Variants in CLCN5 observed in about 807,000 individuals in gnomAD.
CLCN5 encodes the protein H(+)/Cl(-) exchange transporter 5.
In CLCN5, 17 loss-of-function variants were observed where a neutral mutation model predicts 54.0. That is an observed-to-expected ratio of 0.31 (90% CI 0.22 to 0.47). The LOEUF is 0.47. Ranked by LOEUF, CLCN5 falls within the 20% of genes least tolerant of loss-of-function variation. CLCN5 has a pLI of 1.00. For missense variants in CLCN5, 448 were observed against 646.7 expected (o/e 0.69, Z 3.33); for synonymous variants, 222 against 233.0 (o/e 0.95, Z 0.43).
At position 50,067,582 on chromosome X, in the gene CLCN5, A is replaced by G. The variant is rs150494273; in HGVS notation, c.164-2297A>G. The G allele has an allele frequency of 3.3e-5, 25 of 751,829 alleles. No individual in the cohort carries two copies. The East Asian group carries it at 3.5e-3, about 105-fold the overall frequency. 62.0% of individuals were successfully genotyped at this position (751,829 alleles called of 1,213,427 possible). Reference sequence around the variant, plus strand: ...CATCACATTCTGACCGCCAGGGAACACTGGTAGTTCTTTAGGTGGCGTTTG... The same window carrying G: ...CATCACATTCTGACCGCCAGGGAACGCTGGTAGTTCTTTAGGTGGCGTTTG... On this transcript the variant is annotated intron_variant, in intron 4 of 14. Coordinates refer to ENST00000376091, the MANE Select transcript of CLCN5 (RefSeq NM_001127898.4).
intron 3 of CLCN5, among the ~76,000 whole-genome samples, chrX:49,996,913 T>C (rs17174053): frequency 0.074 from 8,233 of 111,603 alleles, 763 homozygotes; most frequent in African/African-American, 0.26. Flanking sequence ...AGTAACTTTA[T>C]ATATTCTCCT....
chrX:50,030,431 C>T (rs1557185714), intron 3 of CLCN5, among the ~76,000 whole-genome samples: 1 of 111,476 alleles, frequency 9.0e-6, no homozygotes, highest in African/African-American at 3.3e-5. Flanking sequence ...TCATATATTA[C>T]TTTTGGCTAT....
rs942520036 is a variant in CLCN5, at chrX:50,007,030, G to A, written c.17-35286G>A. ...TCTAGGGATGTAGACCTGTATACAC[G>A]GAGTCCCACTGATCAGGTAAGCAGT... On this transcript the variant is annotated intron_variant, in intron 3 of 14. Coordinates refer to ENST00000376091, the MANE Select transcript of CLCN5 (RefSeq NM_001127898.4). 1.5e-4 allele frequency among the ~76,000 whole-genome samples: 17 copies of A among 110,999 alleles called. No homozygotes were observed. In the East Asian group the frequency reaches 4.9e-3, roughly 32 times the overall value.
intron 3 of CLCN5, among the ~76,000 whole-genome samples, chrX:50,032,730 T>A (rs1218298045): frequency 2.7e-5 from 3 of 110,290 alleles, no homozygotes; most frequent in Non-Finnish European, 5.6e-5. Flanking sequence ...TTTAATTAGA[T>A]CCCATTTGTC....
intron 4 of CLCN5, among the ~76,000 whole-genome samples, chrX:50,053,515 A>G (rs1400521633): frequency 9.2e-6 from 1 of 109,154 alleles, no homozygotes; most frequent in Non-Finnish European, 1.9e-5. Flanking sequence ...AATTTTATTG[A>G]TTTCTGTTCT....
At chrX:50,002,159 C>CT (rs1557180436) in intron 3 of CLCN5, among the ~76,000 whole-genome samples, 2 of 109,305 alleles carry the variant, frequency 1.8e-5, no homozygotes, top group African/African-American at 3.3e-5. Context: ...TCTTGCAACT[C>CT]TAAGTACCAT....
intron 8 of CLCN5, among the ~76,000 whole-genome samples, chrX:50,081,360 C>T (rs782070739): frequency 1.4e-4 from 15 of 110,927 alleles, no homozygotes; most frequent in Non-Finnish European, 2.8e-4. Flanking sequence ...ATCCCTCCCT[C>T]TCCAGCTCCT....
At chrX:49,977,222 C>T (rs782623798) in intron 3 of CLCN5, among the ~76,000 whole-genome samples, 5 of 110,332 alleles carry the variant, frequency 4.5e-5, no homozygotes, top group African/African-American at 1.3e-4. Flanking sequence ...TTGAAACAGG[C>T]GCTGAGGTTA....
chrX:49,932,633 A>G (rs1167260435), intron 3 of CLCN5, among the ~76,000 whole-genome samples: 1 of 111,652 alleles, frequency 9.0e-6, no homozygotes, highest in Non-Finnish European at 1.9e-5. Flanking sequence ...GTTTTTTGCT[A>G]TTAATACTTC....
intron 3 of CLCN5, among the ~76,000 whole-genome samples, chrX:50,013,064 G>GTA (rs1557182820): frequency 9.0e-6 from 1 of 111,242 alleles, no homozygotes; most frequent in East Asian, 2.8e-4. Context: ...CACACAACAA[G>GTA]TACTTTATTA....
chrX:50,034,368 A>G (rs921028545), intron 3 of CLCN5, among the ~76,000 whole-genome samples: 2 of 111,471 alleles, frequency 1.8e-5, no homozygotes, highest in African/African-American at 6.5e-5. Context: ...TGATATGACA[A>G]TACTTGTATG....
In CLCN5 at chrX:50,086,640, C is replaced by T; in HGVS notation, c.1327C>T (p.Pro443Ser). 8.3e-7 allele frequency: 1 copy of T among 1,211,017 alleles called. No homozygotes were observed. Among genetic ancestry groups the T allele is most frequent in the African/African-American group, 1.7e-5 (1 of 57,612 alleles). The change falls in exon 11 of 15, where the codon CCC becomes TCC. Residue 443 changes from proline (P) to serine (S), a missense_variant. By Grantham distance (74) the Pro-to-Ser change is moderately conservative (BLOSUM62 -1). Around this residue, in one of 5 missense-constraint regions of CLCN5, gnomAD observed 297 missense variants for 470.4 expected, o/e 0.63. Transcript: ENST00000376091. ...AGCCATCACTGCCATCCTGGCTTTC[C>T]CCAATGAATACACTCGGATGAGCAC... is the stretch of plus-strand genomic sequence containing the variant. ...VTAITAILAFPNEYTRMSTSE... is the reference protein window; with the variant it reads ...VTAITAILAFSNEYTRMSTSE...
At chrX:49,942,687 G>C (rs1601961181) in intron 3 of CLCN5, among the ~76,000 whole-genome samples, 1 of 109,128 alleles carries the variant, frequency 9.2e-6, no homozygotes, top group Non-Finnish European at 1.9e-5. Context: ...AGTTTGCTGA[G>C]AATGATGGTT....
At chrX:49,981,693 CTT>C (rs5902467) in intron 3 of CLCN5, among the ~76,000 whole-genome samples, 221 of 96,318 alleles carry the variant, frequency 2.3e-3, no homozygotes, top group African/African-American at 7.5e-3. Flanking sequence ...GCCATTGAAC[CTT>C]TTTTTTTTTT....
intron 6 of CLCN5, among the ~76,000 whole-genome samples, chrX:50,073,858 A>G (rs1296992355): frequency 2.7e-5 from 3 of 111,529 alleles, no homozygotes; most frequent in Admixed American, 1.9e-4. Flanking sequence ...GACCAGAAAA[A>G]CTTTATTTGC....
chrX:50,000,000 A>G (rs1557180129), intron 3 of CLCN5, among the ~76,000 whole-genome samples: 2 of 110,018 alleles, frequency 1.8e-5, no homozygotes, highest in Non-Finnish European at 3.8e-5. Flanking sequence ...TCTGCTCTCC[A>G]CTCCCCCAGC....
At chrX:50,089,288 T>C (rs1934001210) in intron 12 of CLCN5, among the ~76,000 whole-genome samples, 1 of 112,237 alleles carries the variant, frequency 8.9e-6, no homozygotes, top group African/African-American at 3.2e-5. Context: ...TGTTAATATG[T>C]TTAACATCTT....
rs782456542 is a variant in CLCN5 at position 50,067,749 on chromosome X, C to T, written c.164-2130C>T. 2.1e-4 allele frequency: 160 copies of T among 750,345 alleles called. No individual in the cohort carries two copies. Among genetic ancestry groups the T allele is most frequent in the Admixed American group, 2.7e-4 (3 of 11,291 alleles). 61.8% of individuals were successfully genotyped at this position (750,345 alleles called of 1,213,427 possible). A position where few individuals can be genotyped will look rare whatever the true frequency, so the allele number is the denominator to read the frequency against. The stretch of plus-strand genomic sequence containing the variant: ...TTCCTTGAGGCAGAAAAAAAGAAAA[C>T]TGTGATTGAAGGTAAGCAGACTTGA... On this transcript the variant is annotated intron_variant, in intron 4 of 14. Coordinates refer to ENST00000376091, the MANE Select transcript of CLCN5 (RefSeq NM_001127898.4).
At chrX:49,956,996 CTT>C (rs782127879) in intron 3 of CLCN5, among the ~76,000 whole-genome samples, 15 of 111,914 alleles carry the variant, frequency 1.3e-4, no homozygotes. Context: ...TCTCCCCTCT[CTT>C]AAAAAATACA....
Sources: allele counts gnomAD v4.1 joint callset (sites outside exome capture counted in the v4.1 genomes callset), GRCh38; gene constraint gnomAD v4.1.1; regional missense constraint gnomAD v4.1.1; transcripts MANE v1.5; gene names NCBI Gene and HGNC (gene_info 2026-07-23, HGNC 2026-07-21).